Variants in PNPLA4 observed in about 807,000 individuals in gnomAD.
PNPLA4 encodes the protein patatin like domain 4, phospholipase and triacylglycerol lipase, also known as patatin-like phospholipase domain-containing protein 4.
A neutral mutation model predicts 18.3 loss-of-function variants in PNPLA4; 15 were observed. That is an observed-to-expected ratio of 0.82 (90% CI 0.55 to 1.26). PNPLA4 has a LOEUF of 1.26. PNPLA4 is among the 50% of genes most tolerant of loss of function. The pLI, the probability that PNPLA4 is intolerant of heterozygous loss-of-function variation, is 0.00. For synonymous variants in PNPLA4, 88 were observed against 85.6 expected (o/e 1.03, Z -0.16); for missense variants, 229 against 196.8 (o/e 1.16, Z -0.98).
chrX:7,909,883 C>T (rs964241898), intron 5 of PNPLA4, among the ~76,000 whole-genome samples: 6 of 111,510 alleles, frequency 5.4e-5, no homozygotes, highest in Admixed American at 4.8e-4. Flanking sequence ...GGATGTATAA[C>T]CTAGCTGCAC....
intron 1 of PNPLA4, 72 bp from the exon 2 acceptor site, chrX:7,926,204 A>T: frequency 1.3e-6 from 1 of 759,357 alleles, no homozygotes; most frequent in South Asian, 3.3e-5. Flanking sequence ...TCTTATGTTG[A>T]TCATCGTTCC....
At position 7,899,653 on chromosome X, in the gene PNPLA4, G is replaced by C. The variant is rs1412146001; in HGVS notation, c.*1033C>G. 1 of 98,964 alleles carries C rather than the reference G, an allele frequency of 1.0e-5. No individual in the cohort carries two copies. Among genetic ancestry groups the C allele is most frequent in the Non-Finnish European group, 2.1e-5 (1 of 48,357 alleles). The allele number at this position is 98,964 out of a possible 1,213,427, so 8.2% of individuals were successfully genotyped here. On this transcript the variant is annotated 3_prime_UTR_variant, in exon 7 of 7. Transcript: ENST00000381042. ...AGAGAGAGAGAGAGAGAGAGAGAGAGAGAGAGAGAGAGAGAGAGAGAGAGA... is the reference window on the plus strand; with the variant it reads ...AGAGAGAGAGAGAGAGAGAGAGAGACAGAGAGAGAGAGAGAGAGAGAGAGA...
Position 7,900,767 on chromosome X carries a change from G to T in PNPLA4, c.681C>A (p.Ser227Arg). 1 of 1,201,189 alleles carries T rather than the reference G, an allele frequency of 8.3e-7. No individual in the cohort carries two copies. Among genetic ancestry groups the T allele is most frequent in the Non-Finnish European group, 1.1e-6 (1 of 887,315 alleles). The stretch of plus-strand genomic sequence containing the variant: ...GATACAAAGATTCCATTTTCCTCTT[G>T]CTTGGGGGAAAAAGGGCTTGGTTGA... The part of the protein sequence containing the change: ...VRLNQALFPP[S>R]KRKMESLYQC... The change falls in exon 7 of 7, where the codon AGC (serine) becomes AGA (arginine). Residue 227 changes from serine (S) to arginine (R), a missense_variant. Coordinates refer to ENST00000381042, the MANE Select transcript of PNPLA4 (RefSeq NM_004650.3).
intron 5 of PNPLA4, among the ~76,000 whole-genome samples, chrX:7,906,007 C>A (rs926349151): frequency 1.8e-5 from 2 of 112,392 alleles, no homozygotes; most frequent in African/African-American, 6.5e-5. Context: ...TGTCTTTTCA[C>A]TTCAGGTTTT....
At chrX:7,925,357 A>G (rs1454662320) in intron 2 of PNPLA4, among the ~76,000 whole-genome samples, 1 of 112,628 alleles carries the variant, frequency 8.9e-6, no homozygotes, top group East Asian at 2.8e-4. Flanking sequence ...ATGATTGATC[A>G]CTGTCTGGAT....
At chrX:7,907,237 T>A (rs1027193870) in intron 5 of PNPLA4, among the ~76,000 whole-genome samples, 15 of 111,534 alleles carry the variant, frequency 1.3e-4, no homozygotes, top group African/African-American at 4.6e-4. Context: ...CAGGCTGGTC[T>A]CGAACTCCTG....
chrX:7,926,133 C>T lies in PNPLA4; in HGVS notation c.-13-1G>A. 1 of 1,191,176 alleles carries T rather than the reference C, an allele frequency of 8.4e-7. No individual in the cohort carries two copies. ...GATGTGCTTCATTCTAGCTGTAGCACTGGCAATACAAAAAACAAAAATGCT... is the reference window on the plus strand; with the variant it reads ...GATGTGCTTCATTCTAGCTGTAGCATTGGCAATACAAAAAACAAAAATGCT... On this transcript the variant is annotated splice_acceptor_variant, in intron 1 of 6. Transcript: ENST00000381042. LOFTEE classifies it low-confidence loss of function (5UTR_SPLICE).
chrX:7,902,258 C>T, intron 5 of PNPLA4, 117 bp from the exon 6 acceptor site: 1 of 677,113 alleles, frequency 1.5e-6, no homozygotes, highest in Non-Finnish European at 2.1e-6. Flanking sequence ...TTTTTGAGGA[C>T]TAATCCCATT....
intron 4 of PNPLA4, among the ~76,000 whole-genome samples, chrX:7,915,408 T>C (rs1333901688): frequency 9.1e-6 from 1 of 110,319 alleles, no homozygotes; most frequent in Non-Finnish European, 1.9e-5. Context: ...CATAACTATC[T>C]GGGTAATAAT....
At chrX:7,900,962 C>T (rs1923513302) in intron 6 of PNPLA4, 145 bp from the exon 7 acceptor site, 1 of 447,728 alleles carries the variant, frequency 2.2e-6, no homozygotes, top group South Asian at 4.6e-5. Context: ...TCAGAAGTTA[C>T]CTCCACTGAT....
intron 5 of PNPLA4, among the ~76,000 whole-genome samples, chrX:7,902,617 G>T (rs755368628): frequency 1.8e-5 from 2 of 111,996 alleles, no homozygotes; most frequent in Non-Finnish European, 3.8e-5. Flanking sequence ...GAAGCAAGGG[G>T]CATGTCCTGA....
At chrX:7,911,558 T>C (rs779946448) in intron 5 of PNPLA4, among the ~76,000 whole-genome samples, 2 of 111,215 alleles carry the variant, frequency 1.8e-5, no homozygotes, top group Admixed American at 1.9e-4. Context: ...GGCCTTGCAG[T>C]GATCAACGTG....
intron 5 of PNPLA4, among the ~76,000 whole-genome samples, chrX:7,905,882 C>T (rs1923691506): frequency 8.9e-6 from 1 of 112,404 alleles, no homozygotes; most frequent in Admixed American, 9.4e-5. Flanking sequence ...CCCTCTACTA[C>T]AGCACAGTTG....
At chrX:7,914,227 G>A (rs151173927) in intron 4 of PNPLA4, among the ~76,000 whole-genome samples, 1 of 112,017 alleles carries the variant, frequency 8.9e-6, no homozygotes, top group East Asian at 2.8e-4. Context: ...TAAATGGCCC[G>A]CATAATGCAA....
intron 2 of PNPLA4, among the ~76,000 whole-genome samples, chrX:7,924,588 C>T (rs1042512553): frequency 9.0e-6 from 1 of 111,728 alleles, no homozygotes; most frequent in Non-Finnish European, 1.9e-5. Flanking sequence ...CATACCAGCA[C>T]CATCAGACAA....
intron 5 of PNPLA4, among the ~76,000 whole-genome samples, chrX:7,911,583 G>C (rs1233448859): frequency 9.0e-6 from 1 of 111,273 alleles, no homozygotes; most frequent in Non-Finnish European, 1.9e-5. Context: ...GGTAAGTAGA[G>C]AGCCTTGGAG....
chrX:7,908,048 C>A (rs1923763859), intron 5 of PNPLA4, among the ~76,000 whole-genome samples: 1 of 111,583 alleles, frequency 9.0e-6, no homozygotes, highest in Non-Finnish European at 1.9e-5. Flanking sequence ...AATCTTAAGT[C>A]TTATTAAGGT....
rs754763186 is a variant in PNPLA4, at chrX:7,900,562, T to C, written c.*124A>G. On this transcript the variant is annotated 3_prime_UTR_variant, in exon 7 of 7. Transcript: ENST00000381042. ...TAAGTAATAATTCAAATATTAAAAA[T>C]AAACACAAATATTACAAGGAGTAAT... 29 of 462,000 alleles carry C rather than the reference T, an allele frequency of 6.3e-5. No individual in the cohort carries two copies. The highest frequency in any genetic ancestry group is 9.8e-5 in the Non-Finnish European group (28 of 286,309). 38.1% of individuals were successfully genotyped at this position (462,000 alleles called of 1,213,427 possible).
chrX:7,921,515 C>T (rs750023499), intron 4 of PNPLA4, among the ~76,000 whole-genome samples, 198 bp downstream of exon 4: 67 of 112,054 alleles, frequency 6.0e-4, no homozygotes, highest in Non-Finnish European at 1.0e-3. Flanking sequence ...ATTTGGATCA[C>T]AGTGCATCAT....
Sources: allele counts gnomAD v4.1 joint callset (sites outside exome capture counted in the v4.1 genomes callset), GRCh38; gene constraint gnomAD v4.1.1; transcripts MANE v1.5; gene names NCBI Gene and HGNC (gene_info 2026-07-23, HGNC 2026-07-21).